OR1A1: variants seen among roughly 807,000 people sequenced by gnomAD.
OR1A1 encodes olfactory receptor 1A1.
For missense variants in OR1A1, 391 were observed against 379.9 expected (o/e 1.03, Z -0.24); for synonymous variants, 145 against 147.8 (o/e 0.98, Z 0.13).
At chr17:3,208,148 G>A (rs369349279) in intron 1 of OR1A1, 148 bp downstream of exon 1, 1 of 145,638 alleles carries the variant, frequency 6.9e-6, no homozygotes, top group African/African-American at 2.4e-5. Flanking sequence ...ATGGACAAGA[G>A]AGAGATAGAG....
In OR1A1 at chr17:3,208,869, A is replaced by T. The variant is rs2048426058; in HGVS notation, c.-268A>T. On this transcript the variant is annotated 5_prime_UTR_variant, in exon 2 of 4. Coordinates refer to ENST00000641732, the MANE Select transcript of OR1A1 (RefSeq NM_014565.3). Reference sequence around the variant, plus strand: ...TCAACCTCTTTACAAGGAACATTCTATCTCCTACCTTAAATGAAACATGAA... The same window carrying T: ...TCAACCTCTTTACAAGGAACATTCTTTCTCCTACCTTAAATGAAACATGAA... 1 of 151,902 alleles carries T rather than the reference A, an allele frequency of 6.6e-6. No homozygotes were observed. Among genetic ancestry groups the T allele is most frequent in the African/African-American group, 2.4e-5 (1 of 41,304 alleles). 9.4% of individuals were successfully genotyped at this position (151,902 alleles called of 1,614,324 possible). A position where few individuals can be genotyped will look rare whatever the true frequency, so the allele number is the denominator to read the frequency against.
intron 3 of OR1A1, chr17:3,213,042 TTTAA>T (rs1299435674): frequency 6.6e-6 from 1 of 152,312 alleles, no homozygotes; most frequent in Non-Finnish European, 1.5e-5. Flanking sequence ...CACCCTAATC[TTTAA>T]TTATGCAGGT....
At chr17:3,214,535 GAA>G (rs10554992) in intron 3 of OR1A1, 59,483 of 136,384 alleles carry the variant, frequency 0.44, 12,381 homozygotes, top group Middle Eastern at 0.53. Context: ...AAAAAAAAAA[GAA>G]AAAAAAAAAA....
At position 3,218,114 on chromosome 17, in the gene OR1A1, G is replaced by C. The variant is rs576322807; in HGVS notation, c.*1564G>C. 1.3e-5 allele frequency: 2 copies of C among 152,252 alleles called. No homozygotes were observed. The highest frequency in any genetic ancestry group is 2.1e-4 in the South Asian group (1 of 4,812). The allele number at this position is 152,252 out of a possible 1,614,324, so 9.4% of individuals were successfully genotyped here. ...CCATGAAAAAGTGGGCGAAGGATAT[G>C]AACAGACACTTCTCAAAAGAAGACA... On this transcript the variant is annotated 3_prime_UTR_variant, in exon 4 of 4. Coordinates refer to ENST00000641732, the MANE Select transcript of OR1A1 (RefSeq NM_014565.3).
Position 3,208,621 on chromosome 17 carries a change from CAG to C in OR1A1, c.-513_-512del, listed in dbSNP as rs1400249087. 6.6e-6 allele frequency: 1 copy of C among 152,170 alleles called. No individual in the cohort carries two copies. Among genetic ancestry groups the C allele is most frequent in the Non-Finnish European group, 1.5e-5 (1 of 68,072 alleles). 9.4% of individuals were successfully genotyped at this position (152,170 alleles called of 1,614,324 possible). A position where few individuals can be genotyped will look rare whatever the true frequency, so the allele number is the denominator to read the frequency against. On this transcript the variant is annotated 5_prime_UTR_variant, in exon 2 of 4. It introduces an in-frame stop codon into an upstream open reading frame of the 5' UTR. Transcript: ENST00000641732. ...CACCCCATTCACATGGCTGATATCT[CAG>C]AGGATGACGCTTTCCAGGAAAGTGG...
chr17:3,210,989 A>T (rs1415944817), intron 2 of OR1A1, among the ~76,000 whole-genome samples: 1 of 152,042 alleles, frequency 6.6e-6, no homozygotes, highest in Non-Finnish European at 1.5e-5. Context: ...TTTCCACTAA[A>T]TTTTTTGACG....
chr17:3,215,573 C>G, intron 3 of OR1A1, 43 bp from the exon 4 acceptor site: 1 of 1,376,264 alleles, frequency 7.3e-7, no homozygotes, highest in African/African-American at 1.4e-5. Flanking sequence ...CACACAGTAA[C>G]TATGCTAATA....
At chr17:3,212,252 C>T (rs1211605892) in intron 2 of OR1A1, among the ~76,000 whole-genome samples, 1 of 152,104 alleles carries the variant, frequency 6.6e-6, no homozygotes, top group Non-Finnish European at 1.5e-5. Flanking sequence ...GCATAAAGAC[C>T]TTATACCCAG....
rs1478254024 is a variant in OR1A1 at position 3,217,365 on chromosome 17, T to C, written c.*815T>C. 2.0e-5 allele frequency: 3 copies of C among 152,200 alleles called. No individual in the cohort carries two copies. Among genetic ancestry groups the C allele is most frequent in the Non-Finnish European group, 1.5e-5 (1 of 68,022 alleles). The allele number at this position is 152,200 out of a possible 1,614,324, so 9.4% of individuals were successfully genotyped here. Reference sequence around the variant, plus strand: ...TGGCCATACTGCCCAAAGTAATTTATAGATTCAATGCTATTCCCATCAAAC... The same window carrying C: ...TGGCCATACTGCCCAAAGTAATTTACAGATTCAATGCTATTCCCATCAAAC... On this transcript the variant is annotated 3_prime_UTR_variant, in exon 4 of 4. Transcript: ENST00000641732.
Position 3,215,669 on chromosome 17 carries a change from G to A in OR1A1, c.49G>A (p.Val17Ile), listed in dbSNP as rs201744204. 34 of 1,614,060 alleles carry A rather than the reference G, an allele frequency of 2.1e-5. No individual in the cohort carries two copies. The East Asian group carries it at 7.4e-4, about 35-fold the overall frequency. The change falls in exon 4 of 4, where the codon GTT becomes ATT. Residue 17 changes from valine (V) to isoleucine (I), a missense_variant. Physicochemically the swap from Val to Ile is conservative, Grantham distance 29. Coordinates refer to ENST00000641732, the MANE Select transcript of OR1A1 (RefSeq NM_014565.3). ...TACACTGGAATTCATCCTCCTGGGA[G>A]TTACTGGTCAGCAGGAACAGGAAGA... ...SSTLEFILLG[V>I]TGQQEQEDFF...
intron 2 of OR1A1, among the ~76,000 whole-genome samples, chr17:3,209,226 T>C (rs1291131829): frequency 1.3e-5 from 2 of 151,966 alleles, no homozygotes; most frequent in African/African-American, 4.8e-5. Context: ...CACTGTATCA[T>C]TCTTATGCCT....
intron 2 of OR1A1, among the ~76,000 whole-genome samples, chr17:3,211,608 T>C (rs776133234): frequency 6.6e-6 from 1 of 152,202 alleles, no homozygotes; most frequent in Non-Finnish European, 1.5e-5. Flanking sequence ...AGTGCTGGGA[T>C]TACAGATGTG....
At chr17:3,212,234 A>C (rs943149410) in intron 2 of OR1A1, among the ~76,000 whole-genome samples, 1 of 152,168 alleles carries the variant, frequency 6.6e-6, no homozygotes, top group Non-Finnish European at 1.5e-5. Flanking sequence ...GTCACACTGT[A>C]TCAAGGGGCA....
chr17:3,211,072 C>T lies in OR1A1; in HGVS notation c.-138-1395C>T, dbSNP rs192462808. On this transcript the variant is annotated intron_variant, in intron 2 of 3. Coordinates refer to ENST00000641732, the MANE Select transcript of OR1A1 (RefSeq NM_014565.3). ...TTCTCATATATAGATAACCAACTGT[C>T]CAATGACTCTGGGCTAAATAGTTCA... 7.9e-5 allele frequency among the ~76,000 whole-genome samples: 12 copies of T among 152,290 alleles called. No individual in the cohort carries two copies. The East Asian group carries it at 1.5e-3, about 20-fold the overall frequency.
chr17:3,215,718 T>G lies in OR1A1; in HGVS notation c.98T>G (p.Phe33Cys). Residue 33 changes from phenylalanine to cysteine, a missense_variant, in exon 4 of 4, where the codon TTC (phenylalanine) becomes TGC (cysteine). Coordinates refer to ENST00000641732, the MANE Select transcript of OR1A1 (RefSeq NM_014565.3). ...GATTTCTTCTACATCCTCTTCTTGT[T>G]CATTTACCCCATCACATTGATTGGA... ...QEDFFYILFL[F>C]IYPITLIGNL... 2 of 1,614,158 alleles carry G rather than the reference T, an allele frequency of 1.2e-6. No homozygotes were observed. Among genetic ancestry groups the G allele is most frequent in the Non-Finnish European group, 1.7e-6 (2 of 1,180,006 alleles).
chr17:3,214,016 C>G (rs1189487975), intron 3 of OR1A1: 1 of 152,086 alleles, frequency 6.6e-6, no homozygotes, highest in African/African-American at 2.4e-5. Context: ...AGCTGAAGCA[C>G]TGGGACATTT....
chr17:3,211,291 C>G (rs2048440288), intron 2 of OR1A1, among the ~76,000 whole-genome samples: 1 of 152,116 alleles, frequency 6.6e-6, no homozygotes, highest in African/African-American at 2.4e-5. Context: ...AAGTACCTCA[C>G]TTTCTTTCCT....
Position 3,215,722 on chromosome 17 carries a change from T to C in OR1A1, c.102T>C (p.Ile34=), listed in dbSNP as rs1183367062. 6.2e-6 allele frequency: 10 copies of C among 1,614,100 alleles called. No homozygotes were observed. The highest frequency in any genetic ancestry group is 6.8e-6 in the Non-Finnish European group (8 of 1,179,980). The part of the protein sequence containing the change: ...EDFFYILFLF[I]YPITLIGNLL... ...TCTTCTACATCCTCTTCTTGTTCAT[T>C]TACCCCATCACATTGATTGGAAACC... The change falls in exon 4 of 4, where the codon ATT becomes ATC. Residue 34 remains isoleucine (I), a synonymous_variant. Coordinates refer to ENST00000641732, the MANE Select transcript of OR1A1 (RefSeq NM_014565.3).
Position 3,216,156 on chromosome 17 carries a change from G to C in OR1A1, c.536G>C (p.Cys179Ser). ...AACCAGGAAGTGGCCAACTTCTACT[G>C]TGACATTACCCCCTTGCTGAAGTTA... ...CGNQEVANFY[C>S]DITPLLKLSC... The change falls in exon 4 of 4, where the codon TGT (cysteine) becomes TCT (serine). Residue 179 changes from cysteine (C) to serine (S), a missense_variant. Coordinates refer to ENST00000641732, the MANE Select transcript of OR1A1 (RefSeq NM_014565.3). 6.2e-7 allele frequency: 1 copy of C among 1,614,166 alleles called. No homozygotes were observed. The highest frequency in any genetic ancestry group is 8.5e-7 in the Non-Finnish European group (1 of 1,180,030).
Sources: gnomAD v4.1 joint callset for allele counts (sites outside exome capture counted in the v4.1 genomes callset) on GRCh38, gnomAD v4.1.1 for gene constraint, MANE v1.5 for transcripts, NCBI Gene and HGNC (gene_info 2026-07-23, HGNC 2026-07-21) for gene names.